Variants in FAM210A observed in about 807,000 individuals in gnomAD.
FAM210A encodes mitochondrial inner membrane scaffold 1.
Under a neutral mutation model 25.3 loss-of-function variants are expected in FAM210A, and 13 were observed. The ratio of observed to expected loss-of-function variants is 0.51; its 90% CI spans 0.33 to 0.82. The LOEUF is 0.82. Among genes scored for constraint, FAM210A ranks in the 40% least tolerant of loss-of-function variants. FAM210A has a pLI of 0.02. For missense variants in FAM210A, 319 were observed against 323.2 expected (o/e 0.99, Z 0.10); for synonymous variants, 125 against 118.7 (o/e 1.05, Z -0.35).
In FAM210A at chr18:13,682,093, T is replaced by C. The variant is rs181249004; in HGVS notation, c.-16A>G. 21 of 1,547,444 alleles carry C rather than the reference T, an allele frequency of 1.4e-5. No homozygotes were observed. The African/African-American group carries it at 2.6e-4, about 19-fold the overall frequency. ...TCCATTGCATTTTGAAGAGTGTTGA[T>C]AGGTTTCAGCTTCTACAAAGACAAT... is the stretch of plus-strand genomic sequence containing the variant. On this transcript the variant is annotated 5_prime_UTR_variant, in exon 2 of 4. Coordinates refer to ENST00000651643, the MANE Select transcript of FAM210A (RefSeq NM_152352.4).
chr18:13,714,368 G>A (rs917034915), intron 1 of FAM210A, among the ~76,000 whole-genome samples: 2 of 152,170 alleles, frequency 1.3e-5, no homozygotes, highest in African/African-American at 4.8e-5. Flanking sequence ...AAGATGGAAA[G>A]TCATTCTAGG....
chr18:13,716,377 T>C (rs1195181152), intron 1 of FAM210A, among the ~76,000 whole-genome samples: 1 of 152,198 alleles, frequency 6.6e-6, no homozygotes, highest in Non-Finnish European at 1.5e-5. Context: ...ACAGGGCTCA[T>C]AGCATTGTGT....
At chr18:13,668,141 C>T (rs1237164744) in intron 3 of FAM210A, among the ~76,000 whole-genome samples, 1 of 152,196 alleles carries the variant, frequency 6.6e-6, no homozygotes, top group African/African-American at 2.4e-5. Flanking sequence ...TAATTTCTCT[C>T]CTAAACTCAC....
In FAM210A at chr18:13,726,425, C is replaced by G. The variant is rs1459867882; in HGVS notation, c.-125G>C. ...GGCGGTGTCACTCAGCAGAGCAGCC[C>G]GACAAAGCGTGGGTCCGCGTGCAGG... On this transcript the variant is annotated 5_prime_UTR_variant, in exon 1 of 4. Coordinates refer to ENST00000651643, the MANE Select transcript of FAM210A (RefSeq NM_152352.4). 1.3e-5 allele frequency: 2 copies of G among 152,458 alleles called. No individual in the cohort carries two copies. The highest frequency in any genetic ancestry group is 4.8e-5 in the African/African-American group (2 of 41,438). The allele number at this position is 152,458 out of a possible 1,614,324, so 9.4% of individuals were successfully genotyped here. A position where few individuals can be genotyped will look rare whatever the true frequency, so the allele number is the denominator to read the frequency against.
Position 13,681,887 on chromosome 18 carries a change from A to G in FAM210A, c.191T>C (p.Val64Ala). Reference sequence around the variant, plus strand: ...ATCCAATGGCCTCCTTTCCTTTGCAACACACTGGGCAGCAGATAAATGCAA... The same window carrying G: ...ATCCAATGGCCTCCTTTCCTTTGCAGCACACTGGGCAGCAGATAAATGCAA... ...QWLHLSAAQC[V>A]AKERRPLDAH... The change falls in exon 2 of 4, where the codon GTT (valine) becomes GCT (alanine). Residue 64 changes from valine (V) to alanine (A), a missense_variant. Val to Ala is a moderately conservative substitution (Grantham distance 64, BLOSUM62 0). Transcript: ENST00000651643. 6.2e-7 allele frequency: 1 copy of G among 1,614,202 alleles called. No individual in the cohort carries two copies. Among genetic ancestry groups the G allele is most frequent in the Non-Finnish European group, 8.5e-7 (1 of 1,180,042 alleles).
intron 1 of FAM210A, among the ~76,000 whole-genome samples, chr18:13,722,220 G>C (rs1055272875): frequency 2.0e-5 from 3 of 151,752 alleles, no homozygotes; most frequent in African/African-American, 7.3e-5. Context: ...AGGCTGTTCA[G>C]ATTGTTGCTT....
At chr18:13,704,366 G>A (rs1333414344) in intron 1 of FAM210A, among the ~76,000 whole-genome samples, 1 of 151,920 alleles carries the variant, frequency 6.6e-6, no homozygotes, top group Admixed American at 6.6e-5. Context: ...AACTTAAAGG[G>A]GTGTTATTCA....
At chr18:13,713,571 G>A (rs1231200805) in intron 1 of FAM210A, among the ~76,000 whole-genome samples, 3 of 152,146 alleles carry the variant, frequency 2.0e-5, no homozygotes, top group Non-Finnish European at 2.9e-5. Flanking sequence ...GGTAATGCCT[G>A]GTGAGTGAGC....
At chr18:13,675,212 G>A (rs1335763706) in intron 2 of FAM210A, among the ~76,000 whole-genome samples, 2 of 136,298 alleles carry the variant, frequency 1.5e-5, no homozygotes. Flanking sequence ...CTGAGCCCTG[G>A]CTTCTTTATT....
intron 3 of FAM210A, among the ~76,000 whole-genome samples, chr18:13,669,344 T>C (rs1348992174): frequency 6.6e-6 from 1 of 152,104 alleles, no homozygotes; most frequent in Non-Finnish European, 1.5e-5. Flanking sequence ...AAAAGCAAAG[T>C]CCTTTTAAGG....
intron 1 of FAM210A, chr18:13,715,369 G>A (rs573859307): frequency 1.3e-5 from 2 of 152,104 alleles, no homozygotes; most frequent in Non-Finnish European, 2.9e-5. Context: ...AGACTACAGG[G>A]GGACATAACT....
chr18:13,696,235 G>A (rs79967290), intron 1 of FAM210A, among the ~76,000 whole-genome samples: 2,167 of 152,282 alleles, frequency 0.014, 48 homozygotes, highest in African/African-American at 0.049. Flanking sequence ...TGATTCTGAA[G>A]TTTATATGGA....
rs1470236803 is a variant in FAM210A at position 13,675,703 on chromosome 18, CCG to C, written c.474-3732_474-3731del. On this transcript the variant is annotated intron_variant, in intron 2 of 3. Transcript: ENST00000651643. Reference sequence around the variant, plus strand: ...TCCTGATTATTAACATTCCTGAGCCCCGACTTCATTTCCAGTTTCCTGATTAT... The same window carrying C: ...TCCTGATTATTAACATTCCTGAGCCCACTTCATTTCCAGTTTCCTGATTAT... 1.8e-3 allele frequency among the ~76,000 whole-genome samples: 69 copies of C among 37,502 alleles called. 15 individuals carry two copies. The highest frequency in any genetic ancestry group is 2.2e-3 in the Non-Finnish European group (35 of 16,052). 24.6% of individuals were successfully genotyped at this position (37,502 alleles called of 152,430 possible). A position where few individuals can be genotyped will look rare whatever the true frequency, so the allele number is the denominator to read the frequency against.
At chr18:13,702,406 C>T (rs751560069) in intron 1 of FAM210A, among the ~76,000 whole-genome samples, 4 of 152,222 alleles carry the variant, frequency 2.6e-5, no homozygotes, top group Non-Finnish European at 4.4e-5. Flanking sequence ...CCCATAAGCC[C>T]GCTGCTCAAG....
At chr18:13,725,848 CAAG>C (rs748213917) in intron 1 of FAM210A, among the ~76,000 whole-genome samples, 10 of 152,194 alleles carry the variant, frequency 6.6e-5, no homozygotes, top group Admixed American at 1.3e-4. Context: ...AGGTATTTGT[CAAG>C]AAGAGGTATA....
chr18:13,703,846 G>A (rs1358279477), intron 1 of FAM210A, among the ~76,000 whole-genome samples: 2 of 152,178 alleles, frequency 1.3e-5, no homozygotes, highest in Non-Finnish European at 2.9e-5. Flanking sequence ...AAACAGCTTG[G>A]AAGGTTATTG....
intron 1 of FAM210A, among the ~76,000 whole-genome samples, chr18:13,706,489 A>C (rs2043778990): frequency 6.6e-6 from 1 of 152,212 alleles, no homozygotes; most frequent in African/African-American, 2.4e-5. Context: ...AGAAACTTTA[A>C]TGGTACATAT....
chr18:13,710,939 T>C (rs1208332515), intron 1 of FAM210A, among the ~76,000 whole-genome samples: 1 of 152,238 alleles, frequency 6.6e-6, no homozygotes, highest in East Asian at 1.9e-4. Flanking sequence ...TTCCATGCAG[T>C]GGGCAGGAAG....
chr18:13,713,118 A>G (rs2043834440), intron 1 of FAM210A, among the ~76,000 whole-genome samples: 1 of 152,266 alleles, frequency 6.6e-6, no homozygotes. Context: ...TACATCTATA[A>G]GAAGGCCTCT....
Sources: allele counts gnomAD v4.1 joint callset (sites outside exome capture counted in the v4.1 genomes callset), GRCh38; gene constraint gnomAD v4.1.1; transcripts MANE v1.5; gene names NCBI Gene and HGNC (gene_info 2026-07-23, HGNC 2026-07-21).